Variants in GLIS3 observed in about 807,000 individuals in gnomAD.
GLIS3 encodes the protein zinc finger protein GLIS3.
In GLIS3, 53 loss-of-function variants were observed where a neutral mutation model predicts 78.6. The observed-to-expected ratio is 0.67, with a 90% CI of 0.54 to 0.85. GLIS3 has a LOEUF of 0.85. Among genes scored for constraint, GLIS3 ranks in the 40% least tolerant of loss-of-function variants. GLIS3 has a pLI of 0.00. For synonymous variants in GLIS3, 684 were observed against 509.9 expected, an observed-to-expected ratio of 1.34 and a Z score of -4.60; for missense variants, 1,703 against 1,231.1, an observed-to-expected ratio of 1.38 and a Z score of -5.74.
the GLIS3 span, among the ~76,000 whole-genome samples, chr9:4,435,835 G>C: frequency 9.9e-5 from 15 of 152,208 alleles, no homozygotes; most frequent in Non-Finnish European, 2.1e-4. Context: ...TGTAGTCCCA[G>C]CTACTTGGGA....
At position 3,826,433 on chromosome 9, in the gene GLIS3, A is replaced by C. The variant is rs1817727966; in HGVS notation, c.*1839T>G. 1 of 148,738 alleles carries C rather than the reference A, an allele frequency of 6.7e-6. No homozygotes were observed. The highest frequency in any genetic ancestry group is 2.2e-4 in the South Asian group (1 of 4,510). 9.2% of individuals were successfully genotyped at this position (148,738 alleles called of 1,614,324 possible). A position where few individuals can be genotyped will look rare whatever the true frequency, so the allele number is the denominator to read the frequency against. Reference sequence around the variant, plus strand: ...AGCCTTGGAGTTCACTTGTAAAGGAAGCCTGGTGTGCATCTTTTGTAAAGC... The same window carrying C: ...AGCCTTGGAGTTCACTTGTAAAGGACGCCTGGTGTGCATCTTTTGTAAAGC... On this transcript the variant is annotated 3_prime_UTR_variant, in exon 11 of 11. Transcript: ENST00000381971.
At chr9:4,259,558 C>T (rs985235056) in intron 2 of GLIS3, among the ~76,000 whole-genome samples, 1 of 152,220 alleles carries the variant, frequency 6.6e-6, no homozygotes, top group African/African-American at 2.4e-5. Context: ...CCACCGCCCA[C>T]CCCATAATCC....
At chr9:4,000,565 T>C (rs536087492) in intron 4 of GLIS3, among the ~76,000 whole-genome samples, 1 of 152,192 alleles carries the variant, frequency 6.6e-6, no homozygotes, top group Non-Finnish European at 1.5e-5. Context: ...AGAAAATATC[T>C]ACACCCAAAG....
intron 9 of GLIS3, among the ~76,000 whole-genome samples, chr9:3,830,280 A>G (rs1054223841): frequency 9.2e-5 from 14 of 152,126 alleles, no homozygotes; most frequent in Admixed American, 2.6e-4. Context: ...CACTCCTTTC[A>G]TGATGGCTTA....
At chr9:4,474,707 T>C in the GLIS3 span, among the ~76,000 whole-genome samples, 3 of 151,218 alleles carry the variant, frequency 2.0e-5, no homozygotes, top group East Asian at 5.8e-4. Context: ...ATTTTTTTTT[T>C]TTTTTTTGAG....
the GLIS3 span, among the ~76,000 whole-genome samples, chr9:4,423,730 T>G: frequency 1.3e-5 from 2 of 152,240 alleles, no homozygotes; most frequent in Admixed American, 1.3e-4. Flanking sequence ...GAATCATTTT[T>G]ATTAAAAATG....
chr9:3,951,257 C>T (rs1816657581), intron 4 of GLIS3, among the ~76,000 whole-genome samples: 2 of 152,090 alleles, frequency 1.3e-5, no homozygotes, highest in South Asian at 4.1e-4. Context: ...TTCAGCTGCT[C>T]AGTAAATAAT....
the GLIS3 span, among the ~76,000 whole-genome samples, chr9:4,483,458 G>A: frequency 6.6e-6 from 1 of 152,144 alleles, no homozygotes; most frequent in South Asian, 2.1e-4. Context: ...GGTGGCTCAC[G>A]CCTGTAATCT....
intron 4 of GLIS3, among the ~76,000 whole-genome samples, chr9:4,307,411 C>T (rs1004287362): frequency 1.3e-5 from 2 of 152,144 alleles, no homozygotes; most frequent in African/African-American, 4.8e-5. Context: ...TCAAAGCCTG[C>T]TTTGCAAACC....
rs140476926 is a variant in GLIS3, at chr9:4,087,137, G to A, written c.1710+30631C>T. ...TGCAGCCAATAAATCATGTGAAGTG[G>A]AGGCAAAGAAGACAAAACCTAAAAT... On this transcript the variant is annotated intron_variant, in intron 4 of 10. Coordinates refer to ENST00000381971, the MANE Select transcript of GLIS3 (RefSeq NM_001042413.2). Among the ~76,000 whole-genome samples, 16 of 152,290 alleles carry A rather than the reference G, an allele frequency of 1.1e-4. No individual in the cohort carries two copies. In the East Asian group the frequency reaches 3.1e-3, roughly 29 times the overall value.
chr9:4,401,324 A>C, the GLIS3 span, among the ~76,000 whole-genome samples: 1 of 152,034 alleles, frequency 6.6e-6, no homozygotes, highest in African/African-American at 2.4e-5. Context: ...CAATGGTGTG[A>C]TCTCAGCTCA....
chr9:4,040,595 G>A (rs1824726126), intron 4 of GLIS3, among the ~76,000 whole-genome samples: 1 of 152,024 alleles, frequency 6.6e-6, no homozygotes, highest in African/African-American at 2.4e-5. Context: ...GGATATAGAA[G>A]GAATGGAAAA....
chr9:4,460,750 T>A, the GLIS3 span, among the ~76,000 whole-genome samples: 1 of 152,346 alleles, frequency 6.6e-6, no homozygotes, highest in South Asian at 2.1e-4. Flanking sequence ...CCTTTTTTCT[T>A]CTACATGTCT....
intron 4 of GLIS3, among the ~76,000 whole-genome samples, chr9:4,075,007 A>C (rs1827924340): frequency 1.3e-5 from 2 of 152,204 alleles, no homozygotes; most frequent in Non-Finnish European, 2.9e-5. Context: ...TGATGAAGAC[A>C]ACAGACGTAC....
the GLIS3 span, among the ~76,000 whole-genome samples, chr9:4,475,686 A>C: frequency 6.6e-6 from 1 of 152,222 alleles, no homozygotes; most frequent in Non-Finnish European, 1.5e-5. Flanking sequence ...TCTTCAATGA[A>C]AAAAGGAGGC....
intron 2 of GLIS3, among the ~76,000 whole-genome samples, chr9:4,215,893 A>C (rs1820782140): frequency 6.6e-6 from 1 of 152,196 alleles, no homozygotes; most frequent in Non-Finnish European, 1.5e-5. Flanking sequence ...AAAATGGTTC[A>C]AGCAATATAG....
chr9:4,285,928 G>C (rs1563898144), intron 2 of GLIS3, 110 bp downstream of exon 2: 1 of 1,311,522 alleles, frequency 7.6e-7, no homozygotes, highest in Non-Finnish European at 1.1e-6. Flanking sequence ...CATCATCTTT[G>C]ACCCTGACAC....
intron 6 of GLIS3, among the ~76,000 whole-genome samples, chr9:3,910,828 A>C (rs1824089273): frequency 6.6e-6 from 1 of 152,236 alleles, no homozygotes; most frequent in African/African-American, 2.4e-5. Context: ...GAAAGCATCT[A>C]ACACTGCTTG....
At chr9:4,119,028 T>C (rs999502813) in intron 3 of GLIS3, 147 bp from the exon 4 acceptor site, 1 of 866,752 alleles carries the variant, frequency 1.2e-6, no homozygotes, top group Non-Finnish European at 1.8e-6. Flanking sequence ...ATTCTTGGGC[T>C]AAGATAAAAT....
Sources: gnomAD v4.1 joint callset for allele counts (sites outside exome capture counted in the v4.1 genomes callset) on GRCh38, gnomAD v4.1.1 for gene constraint, MANE v1.5 for transcripts, NCBI Gene and HGNC (gene_info 2026-07-23, HGNC 2026-07-21) for gene names.